ITPR2: variants seen among roughly 807,000 people sequenced by gnomAD.
The protein encoded by ITPR2 is inositol 1,4,5-trisphosphate-gated calcium channel ITPR2.
In ITPR2, 207 loss-of-function variants were observed where a neutral mutation model predicts 317.1. The observed-to-expected ratio is 0.65, with a 90% CI of 0.58 to 0.73. The LOEUF is 0.73. ITPR2 is among the 30% of genes least tolerant of loss of function. The probability of loss-of-function intolerance (pLI) is 0.00; values close to 1 mark genes in which losing one functional copy is unlikely to be tolerated. For missense variants in ITPR2, 2,613 were observed against 3,284.0 expected, an observed-to-expected ratio of 0.80 and a Z score of 4.99; for synonymous variants, 1,156 against 1,149.1, an observed-to-expected ratio of 1.01 and a Z score of -0.12.
chr12:26,443,735 C>T, intron 45 of ITPR2, 85 bp from the exon 46 acceptor site: 2 of 935,442 alleles, frequency 2.1e-6, no homozygotes, highest in South Asian at 1.5e-5. Context: ...TCTACTTGTA[C>T]ACATAGCTTC....
intron 37 of ITPR2, among the ~76,000 whole-genome samples, chr12:26,539,217 C>A (rs997979144): frequency 6.6e-6 from 1 of 152,170 alleles, no homozygotes; most frequent in Non-Finnish European, 1.5e-5. Flanking sequence ...TCCTCTCAAC[C>A]GTAACACCAT....
At chr12:26,565,320 A>C (rs1015606463) in intron 34 of ITPR2, among the ~76,000 whole-genome samples, 1 of 152,212 alleles carries the variant, frequency 6.6e-6, no homozygotes, top group Non-Finnish European at 1.5e-5. Flanking sequence ...TTCTACTTGG[A>C]AAAGTTTTAA....
At chr12:26,506,996 C>T (rs1417666746) in intron 37 of ITPR2, among the ~76,000 whole-genome samples, 1 of 152,216 alleles carries the variant, frequency 6.6e-6, no homozygotes, top group East Asian at 1.9e-4. Flanking sequence ...TGAAATAAAT[C>T]ATTTCATTTC....
chr12:26,475,295 C>G lies in ITPR2; in HGVS notation c.6342+1G>C. On this transcript the variant is annotated splice_donor_variant, in intron 45 of 56. Coordinates refer to ENST00000381340, the MANE Select transcript of ITPR2 (RefSeq NM_002223.4). LOFTEE classifies it high-confidence loss of function. ...TAATGTAAAGATATAAAATGTGACA[C>G]CTGATGGGCCAGAATATAGATATTG... is the stretch of plus-strand genomic sequence containing the variant. 6.2e-7 allele frequency: 1 copy of G among 1,613,676 alleles called. No individual in the cohort carries two copies. The highest frequency in any genetic ancestry group is 1.7e-5 in the Admixed American group (1 of 59,952).
At chr12:26,657,169 C>T (rs758457251) in intron 18 of ITPR2, among the ~76,000 whole-genome samples, 2 of 152,334 alleles carry the variant, frequency 1.3e-5, no homozygotes, top group South Asian at 4.1e-4. Flanking sequence ...TCAAAGATGC[C>T]AGCTAGGTTC....
chr12:26,546,937 C>A (rs182343228), intron 37 of ITPR2, among the ~76,000 whole-genome samples: 1 of 152,018 alleles, frequency 6.6e-6, no homozygotes, highest in East Asian at 1.9e-4. Context: ...AAACTTGAAA[C>A]GATAAAAATA....
chr12:26,539,563 C>G (rs1944200312), intron 37 of ITPR2, among the ~76,000 whole-genome samples: 1 of 152,226 alleles, frequency 6.6e-6, no homozygotes, highest in African/African-American at 2.4e-5. Flanking sequence ...CTGGAACCCC[C>G]TCCCCACTGG....
chr12:26,657,611 C>A, intron 18 of ITPR2, 96 bp downstream of exon 18: 1 of 953,814 alleles, frequency 1.0e-6, no homozygotes, highest in Non-Finnish European at 1.6e-6. Flanking sequence ...TTTAAAATTG[C>A]CTCTTCATAG....
intron 45 of ITPR2, among the ~76,000 whole-genome samples, chr12:26,447,481 TTTTAATGTTCAC>T (rs1941634990): frequency 6.6e-6 from 1 of 151,900 alleles, no homozygotes; most frequent in South Asian, 2.1e-4. Flanking sequence ...ACCGCTGAGA[TTTTAATGTTCAC>T]TTCAGTATGG....
chr12:26,622,392 G>C lies in ITPR2; in HGVS notation c.3136C>G (p.Pro1046Ala). Residue 1046 changes from proline (P) to alanine (A), a missense_variant, in exon 25 of 57, where the codon CCA (proline) becomes GCA (alanine). Physicochemically the swap from Pro to Ala is conservative, Grantham distance 27 (BLOSUM62 -1). This residue lies in a region of ITPR2 where 817 missense variants were observed against 897.6 expected (regional missense o/e 0.91). Coordinates refer to ENST00000381340, the MANE Select transcript of ITPR2 (RefSeq NM_002223.4). ...TMFAGRKEKN[P>A]VQLDDEGGRT... ...CCTCCTTCATCGTCAAGTTGAACTG[G>C]ATTTTTTTCTTTTCTATAAAACCAA... The C allele has an allele frequency of 6.2e-7, 1 of 1,600,312 alleles. No individual in the cohort carries two copies.
chr12:26,671,784 T>G (rs1947778532), intron 13 of ITPR2, among the ~76,000 whole-genome samples: 1 of 152,174 alleles, frequency 6.6e-6, no homozygotes, highest in African/African-American at 2.4e-5. Flanking sequence ...GACTCATCAG[T>G]GTGCTGTATT....
intron 2 of ITPR2, among the ~76,000 whole-genome samples, chr12:26,760,908 A>T (rs1373070676): frequency 1.3e-5 from 2 of 152,228 alleles, no homozygotes; most frequent in Non-Finnish European, 2.9e-5. Flanking sequence ...TCATAATTGA[A>T]GGCAATAAGC....
chr12:26,493,674 C>T (rs1268377161), intron 39 of ITPR2, among the ~76,000 whole-genome samples: 1 of 151,832 alleles, frequency 6.6e-6, no homozygotes, highest in Non-Finnish European at 1.5e-5. Flanking sequence ...CACACTGTAC[C>T]CTATAAATAT....
At chr12:26,568,394 T>C (rs981672864) in intron 34 of ITPR2, among the ~76,000 whole-genome samples, 1 of 152,052 alleles carries the variant, frequency 6.6e-6, no homozygotes, top group African/African-American at 2.4e-5. Context: ...TTCTCTAAAA[T>C]AGGCTATCTT....
chr12:26,564,767 C>T (rs1003736526), intron 34 of ITPR2, among the ~76,000 whole-genome samples: 2 of 152,226 alleles, frequency 1.3e-5, no homozygotes, highest in Admixed American at 1.3e-4. Flanking sequence ...GGAACGAATT[C>T]TTCCCTGGAG....
intron 1 of ITPR2, among the ~76,000 whole-genome samples, chr12:26,798,870 GA>G (rs1187861147): frequency 2.6e-5 from 4 of 152,194 alleles, no homozygotes; most frequent in African/African-American, 9.6e-5. Context: ...ATGCAAAACA[GA>G]TGCAACATGC....
chr12:26,348,820 T>G (rs111722931), intron 55 of ITPR2, among the ~76,000 whole-genome samples: 1 of 151,942 alleles, frequency 6.6e-6, no homozygotes, highest in South Asian at 2.1e-4. Context: ...AGACCTCATC[T>G]CTACTAAAAA....
chr12:26,607,278 C>T (rs983116198), intron 26 of ITPR2, among the ~76,000 whole-genome samples: 1 of 152,098 alleles, frequency 6.6e-6, no homozygotes, highest in Non-Finnish European at 1.5e-5. Flanking sequence ...CAAATGCTTT[C>T]CTTCTTCTAT....
chr12:26,511,108 G>GTA (rs1214865415), intron 37 of ITPR2, among the ~76,000 whole-genome samples: 2 of 152,132 alleles, frequency 1.3e-5, no homozygotes, highest in Non-Finnish European at 2.9e-5. Flanking sequence ...TTCCTGAGCT[G>GTA]TAACCAATCG....
Sources: allele counts gnomAD v4.1 joint callset (sites outside exome capture counted in the v4.1 genomes callset), GRCh38; gene constraint gnomAD v4.1.1; regional missense constraint gnomAD v4.1.1; transcripts MANE v1.5; gene names NCBI Gene and HGNC (gene_info 2026-07-23, HGNC 2026-07-21).